Variants in MARK1 observed in about 807,000 individuals in gnomAD.
The protein encoded by MARK1 is microtubule affinity regulating kinase 1.
In MARK1, 40 loss-of-function variants were observed where a neutral mutation model predicts 96.3. That is an observed-to-expected ratio of 0.42 (90% CI 0.32 to 0.54). MARK1 has a LOEUF of 0.54. MARK1 is among the 20% of genes least tolerant of loss of function. MARK1 has a pLI of 0.16. For missense variants in MARK1, 719 were observed against 984.6 expected, an observed-to-expected ratio of 0.73 and a Z score of 3.61; for synonymous variants, 317 against 341.2, an observed-to-expected ratio of 0.93 and a Z score of 0.78.
intron 9 of MARK1, among the ~76,000 whole-genome samples, chr1:220,625,437 G>A (rs1013181859): frequency 1.3e-5 from 2 of 152,134 alleles, no homozygotes; most frequent in South Asian, 4.1e-4. Flanking sequence ...GTCCAGTGGT[G>A]GAGATACATG....
rs1300857456 is a variant in MARK1 at position 220,539,826 on chromosome 1, T to C, written c.51+10953T>C. On this transcript the variant is annotated intron_variant, in intron 1 of 17. Coordinates refer to ENST00000366917, the MANE Select transcript of MARK1 (RefSeq NM_018650.5). ...ATTGATATGCATTAGGGATATTGAC[T>C]TGTAGTTTTTTTTTCCTGTAGTGAC... Among the ~76,000 whole-genome samples, 3 of 152,206 alleles carry C rather than the reference T, an allele frequency of 2.0e-5. No individual in the cohort carries two copies. In the East Asian group the frequency reaches 5.8e-4, roughly 29 times the overall value.
intron 9 of MARK1, chr1:220,626,774 T>C (rs1667365976): frequency 6.0e-6 from 2 of 335,804 alleles, no homozygotes; most frequent in Admixed American, 7.7e-5. Context: ...GTGAGCTGAT[T>C]GCACCAGGGC....
At chr1:220,554,103 G>A (rs6696663) in intron 1 of MARK1, among the ~76,000 whole-genome samples, 3,527 of 152,268 alleles carry the variant, frequency 0.023, 138 homozygotes, top group African/African-American at 0.08. Context: ...ATCTCAGCAT[G>A]TCCCAGACCA....
chr1:220,655,329 A>G (rs1669107743), intron 16 of MARK1, among the ~76,000 whole-genome samples: 1 of 152,034 alleles, frequency 6.6e-6, no homozygotes, highest in Non-Finnish European at 1.5e-5. Context: ...TCCTAACTGT[A>G]TCTCTAGCGC....
At position 220,662,082 on chromosome 1, in the gene MARK1, T is replaced by A; in HGVS notation, c.2304T>A (p.Asn768Lys). The A allele has an allele frequency of 6.2e-7, 1 of 1,614,236 alleles. No individual in the cohort carries two copies. The highest frequency in any genetic ancestry group is 8.5e-7 in the Non-Finnish European group (1 of 1,180,040). The change falls in exon 18 of 18, where the codon AAT becomes AAA. Residue 768 changes from asparagine (N) to lysine (K), a missense_variant. By Grantham distance (94) the Asn-to-Lys change is moderately conservative. This residue lies in a region of MARK1 where 17 missense variants were observed against 49.7 expected (regional missense o/e 0.34). Transcript: ENST00000366917. ...EVCKLPRLSLNGVRFKRISGT... is the reference protein window; with the variant it reads ...EVCKLPRLSLKGVRFKRISGT... ...GCAAGTTGCCACGACTGTCACTTAA[T>A]GGGGTTCGCTTCAAGCGAATATCTG...
chr1:220,568,324 T>C (rs1406728004), intron 1 of MARK1, among the ~76,000 whole-genome samples: 2 of 152,124 alleles, frequency 1.3e-5, no homozygotes, highest in Non-Finnish European at 2.9e-5. Context: ...CCTGAAGGAA[T>C]TGGACAAACT....
intron 6 of MARK1, among the ~76,000 whole-genome samples, chr1:220,613,858 A>C (rs902411934): frequency 1.3e-5 from 2 of 152,148 alleles, no homozygotes; most frequent in Admixed American, 6.5e-5. Flanking sequence ...GTACCTGCCT[A>C]GTTTTGAATT....
intron 13 of MARK1, among the ~76,000 whole-genome samples, chr1:220,640,288 A>G (rs1451707388): frequency 6.6e-6 from 1 of 152,244 alleles, no homozygotes; most frequent in Non-Finnish European, 1.5e-5. Context: ...AGGTGATAGT[A>G]CATTTAACGT....
chr1:220,594,765 A>G (rs1468431231), intron 3 of MARK1, among the ~76,000 whole-genome samples: 1 of 152,212 alleles, frequency 6.6e-6, no homozygotes, highest in Admixed American at 6.5e-5. Flanking sequence ...GTAAAAGCCA[A>G]TCTGAAAAGG....
intron 9 of MARK1, among the ~76,000 whole-genome samples, chr1:220,628,542 T>G (rs1667477149): frequency 1.3e-5 from 2 of 152,192 alleles, no homozygotes; most frequent in Admixed American, 1.3e-4. Flanking sequence ...TCGAACTCTT[T>G]CCTCGCCTTC....
At chr1:220,639,010 A>G (rs1490343560) in intron 13 of MARK1, among the ~76,000 whole-genome samples, 2 of 152,166 alleles carry the variant, frequency 1.3e-5, no homozygotes, top group African/African-American at 4.8e-5. Context: ...TTTGCAGGCC[A>G]TGGAGGAAGG....
Position 220,599,830 on chromosome 1 carries a change from A to G in MARK1, c.391A>G (p.Thr131Ala). 1 of 1,609,232 alleles carries G rather than the reference A, an allele frequency of 6.2e-7. No individual in the cohort carries two copies. Among genetic ancestry groups the G allele is most frequent in the Non-Finnish European group, 8.5e-7 (1 of 1,177,106 alleles). ...GTTTGAAGTTATTGAAACAGAGAAG[A>G]CTCTCTATTTAGTCATGGAATACGC... ...KLFEVIETEK[T>A]LYLVMEYASG... The change falls in exon 5 of 18, where the codon ACT (threonine) becomes GCT (alanine). Residue 131 changes from threonine (T) to alanine (A), a missense_variant. Thr to Ala is a moderately conservative substitution (Grantham distance 58). Around this residue, in one of 4 missense-constraint regions of MARK1, gnomAD observed 96 missense variants for 213.1 expected, o/e 0.45. Coordinates refer to ENST00000366917, the MANE Select transcript of MARK1 (RefSeq NM_018650.5).
chr1:220,539,281 G>A (rs1228683266), intron 1 of MARK1, among the ~76,000 whole-genome samples: 1 of 152,102 alleles, frequency 6.6e-6, no homozygotes, highest in Non-Finnish European at 1.5e-5. Flanking sequence ...AGTATGAAGT[G>A]TTGTTGAATT....
At chr1:220,640,014 T>C (rs1403465870) in intron 13 of MARK1, among the ~76,000 whole-genome samples, 1 of 152,228 alleles carries the variant, frequency 6.6e-6, no homozygotes, top group Non-Finnish European at 1.5e-5. Flanking sequence ...TATGACTCTT[T>C]ACAGAAAAAG....
In MARK1 at chr1:220,528,734, C is replaced by A; in HGVS notation, c.-89C>A. The A allele has an allele frequency of 4.0e-6, 5 of 1,264,090 alleles. No individual in the cohort carries two copies. Among genetic ancestry groups the A allele is most frequent in the South Asian group, 2.8e-5 (2 of 70,242 alleles). The allele number at this position is 1,264,090 out of a possible 1,614,324, so 78.3% of individuals were successfully genotyped here. On this transcript the variant is annotated 5_prime_UTR_variant, in exon 1 of 18. Coordinates refer to ENST00000366917, the MANE Select transcript of MARK1 (RefSeq NM_018650.5). ...GAGCCGCTCGCCCCGGCCTTGTGCT[C>A]GCGTCCGCACCCCTTTCCTGTCGCC...
At chr1:220,657,334 G>A (rs1669231252) in intron 16 of MARK1, among the ~76,000 whole-genome samples, 1 of 152,100 alleles carries the variant, frequency 6.6e-6, no homozygotes, top group Non-Finnish European at 1.5e-5. Flanking sequence ...AAAAGAAATT[G>A]CTTATTTGGA....
chr1:220,568,684 C>T (rs1663229704), intron 1 of MARK1, among the ~76,000 whole-genome samples: 1 of 152,144 alleles, frequency 6.6e-6, no homozygotes, highest in Non-Finnish European at 1.5e-5. Context: ...ACTACTTTCT[C>T]TTCTGTGTCT....
intron 6 of MARK1, among the ~76,000 whole-genome samples, chr1:220,610,425 CTG>C (rs1666374967): frequency 6.6e-6 from 1 of 152,196 alleles, no homozygotes; most frequent in African/African-American, 2.4e-5. Context: ...CTTCTCTACA[CTG>C]TTTATTCTAC....
At chr1:220,577,631 C>G (rs888367027) in intron 1 of MARK1, among the ~76,000 whole-genome samples, 1 of 152,176 alleles carries the variant, frequency 6.6e-6, no homozygotes, top group African/African-American at 2.4e-5. Context: ...AACAAGTTCT[C>G]AGATGATTCT....
Sources: allele counts gnomAD v4.1 joint callset (sites outside exome capture counted in the v4.1 genomes callset), GRCh38; gene constraint gnomAD v4.1.1; regional missense constraint gnomAD v4.1.1; transcripts MANE v1.5; gene names NCBI Gene and HGNC (gene_info 2026-07-23, HGNC 2026-07-21).